Variants in ERC1 observed in about 807,000 individuals in gnomAD.
ERC1 encodes ELKS/RAB6-interacting/CAST family member 1, also known as RAB6 interacting protein 2.
Under a neutral mutation model 132.0 loss-of-function variants are expected in ERC1, and 56 were observed. The observed-to-expected ratio is 0.42, with a 90% CI of 0.34 to 0.53. The LOEUF is 0.53. Among genes scored for constraint, ERC1 ranks in the 20% least tolerant of loss-of-function variants. The probability of loss-of-function intolerance (pLI) is 0.03; values close to 1 mark genes in which losing one functional copy is unlikely to be tolerated. For missense variants in ERC1, 1,202 were observed against 1,349.9 expected (o/e 0.89, Z 1.72); for synonymous variants, 478 against 476.1 (o/e 1.00, Z -0.05).
intron 17 of ERC1, among the ~76,000 whole-genome samples, chr12:1,421,332 G>A (rs2092420418): frequency 6.6e-6 from 1 of 152,198 alleles, no homozygotes; most frequent in Non-Finnish European, 1.5e-5. Flanking sequence ...TCTCAAGGCA[G>A]CTGATCAGAG....
chr12:1,115,819 GTTTGT>G, intron 6 of ERC1, 42 bp from the exon 7 acceptor site: 2 of 1,529,684 alleles, frequency 1.3e-6, no homozygotes, highest in Non-Finnish European at 1.8e-6. Flanking sequence ...GATAAGAGGT[GTTTGT>G]TTTATTTCTT....
At chr12:1,301,831 GAAAGAA>G (rs1020003231) in intron 15 of ERC1, among the ~76,000 whole-genome samples, 2 of 151,866 alleles carry the variant, frequency 1.3e-5, no homozygotes. Context: ...TTAAGAAAAA[GAAAGAA>G]AAAGAAATAG....
intron 18 of ERC1, among the ~76,000 whole-genome samples, chr12:1,488,119 C>T (rs2094264521): frequency 7.3e-6 from 1 of 137,502 alleles, no homozygotes; most frequent in African/African-American, 2.7e-5. Flanking sequence ...GCCTGGGTGA[C>T]AGAGCGAGAC....
chr12:1,293,247 G>C (rs2079598429), intron 15 of ERC1, among the ~76,000 whole-genome samples: 1 of 151,046 alleles, frequency 6.6e-6, no homozygotes, highest in Admixed American at 6.6e-5. Context: ...GAGGTCAGAA[G>C]ATTGAGACCA....
rs866000368 is a variant in ERC1 at position 1,144,614 on chromosome 12, G to A, written c.1737+2827G>A. On this transcript the variant is annotated intron_variant, in intron 8 of 18. Transcript: ENST00000360905. ...TTTTATGGCTGAGTAGAATTTTGTGGTATATATATATATATATATACGTGT... is the reference window on the plus strand; with the variant it reads ...TTTTATGGCTGAGTAGAATTTTGTGATATATATATATATATATATACGTGT... 6.8e-5 allele frequency among the ~76,000 whole-genome samples: 9 copies of A among 132,294 alleles called. No homozygotes were observed. In the South Asian group the frequency reaches 2.1e-3, roughly 31 times the overall value. 86.8% of individuals were successfully genotyped at this position (132,294 alleles called of 152,430 possible).
chr12:1,292,142 T>C (rs768150481), intron 15 of ERC1, among the ~76,000 whole-genome samples: 15 of 152,218 alleles, frequency 9.9e-5, no homozygotes, highest in Non-Finnish European at 1.6e-4. Context: ...AAACTCCTCC[T>C]GCAGGCCCAC....
At chr12:1,112,468 T>C (rs1945996887) in intron 6 of ERC1, among the ~76,000 whole-genome samples, 170 bp downstream of exon 6, 2 of 152,220 alleles carry the variant, frequency 1.3e-5, no homozygotes, top group South Asian at 4.1e-4. Context: ...GTTCACTAGT[T>C]TGACCCACAT....
Position 991,316 on chromosome 12 carries a change from G to A in ERC1, c.-163G>A, listed in dbSNP as rs1377287654. On this transcript the variant is annotated 5_prime_UTR_variant, in exon 1 of 19. Transcript: ENST00000360905. ...CAGCAGCAGCAGTAGCGGCAGCCCT[G>A]AGGACGGTGAGACGGCCGCGGCGGC... is the stretch of plus-strand genomic sequence containing the variant. 6.1e-4 allele frequency: 91 copies of A among 149,482 alleles called. No individual in the cohort carries two copies. Among genetic ancestry groups the A allele is most frequent in the Non-Finnish European group, 1.0e-3 (77 of 73,462 alleles). The allele number at this position is 149,482 out of a possible 1,614,324, so 9.3% of individuals were successfully genotyped here. A position where few individuals can be genotyped will look rare whatever the true frequency, so the allele number is the denominator to read the frequency against.
rs541623821 is a variant in ERC1, at chr12:1,316,755, A to G, written c.2780+26743A>G. ...TGGATATATACCCAAAGGATTATAA[A>G]TCATGCTGCTATAAAGACACATGCA... On this transcript the variant is annotated intron_variant, in intron 15 of 18. Transcript: ENST00000360905. Among the ~76,000 whole-genome samples, 15 of 152,352 alleles carry G rather than the reference A, an allele frequency of 9.8e-5. No homozygotes were observed. In the South Asian group the frequency reaches 2.9e-3, roughly 29 times the overall value.
intron 12 of ERC1, among the ~76,000 whole-genome samples, chr12:1,216,003 A>AT (rs2154292838): frequency 6.6e-6 from 1 of 152,296 alleles, no homozygotes; most frequent in South Asian, 2.1e-4. Flanking sequence ...CCAGAATCTT[A>AT]TTGGTTAAAG....
chr12:1,160,334 G>A (rs1325356170), intron 8 of ERC1, among the ~76,000 whole-genome samples: 1 of 152,090 alleles, frequency 6.6e-6, no homozygotes, highest in African/African-American at 2.4e-5. Flanking sequence ...TTTTTTTGTT[G>A]CCTGTAGAAT....
At chr12:1,091,946 C>A (rs181742843) in intron 3 of ERC1, among the ~76,000 whole-genome samples, 2 of 151,276 alleles carry the variant, frequency 1.3e-5, no homozygotes, top group East Asian at 1.9e-4. Context: ...CCAGAAATTT[C>A]ATTAGTTATT....
At chr12:1,384,019 A>C (rs981197623) in intron 16 of ERC1, among the ~76,000 whole-genome samples, 2 of 152,328 alleles carry the variant, frequency 1.3e-5, no homozygotes, top group Admixed American at 1.3e-4. Flanking sequence ...ATATCACTCC[A>C]GAGCTGACAC....
chr12:1,104,526 A>G (rs12320344), intron 3 of ERC1, among the ~76,000 whole-genome samples: 8,805 of 152,194 alleles, frequency 0.058, 860 homozygotes, highest in African/African-American at 0.2. Flanking sequence ...GATTTTAAAT[A>G]ACTAGGTGTT....
intron 15 of ERC1, among the ~76,000 whole-genome samples, chr12:1,320,256 G>T (rs942714293): frequency 2.2e-4 from 34 of 152,226 alleles, no homozygotes; most frequent in Admixed American, 8.5e-4. Flanking sequence ...ACATAATGGC[G>T]TATTTTATTT....
At chr12:1,038,065 A>C (rs945586742) in intron 2 of ERC1, among the ~76,000 whole-genome samples, 2 of 151,808 alleles carry the variant, frequency 1.3e-5, no homozygotes, top group Non-Finnish European at 2.9e-5. Flanking sequence ...AAAGAAAAAG[A>C]AAAAAACTAT....
chr12:1,366,154 A>G (rs1212551411), intron 15 of ERC1, among the ~76,000 whole-genome samples: 1 of 152,164 alleles, frequency 6.6e-6, no homozygotes, highest in Non-Finnish European at 1.5e-5. Flanking sequence ...ATCTAAATGT[A>G]CTTTACTGAA....
At chr12:990,551 C>G (rs1959171584), upstream of ERC1, 1 of 152,278 alleles carries the variant, frequency 6.6e-6, no homozygotes, top group African/African-American at 2.4e-5. Flanking sequence ...TCCCCGCGTC[C>G]TGGCGGGATC....
intron 2 of ERC1, among the ~76,000 whole-genome samples, chr12:1,076,123 G>C (rs934945056): frequency 3.9e-5 from 6 of 152,060 alleles, no homozygotes; most frequent in African/African-American, 1.4e-4. Context: ...TTTGTAATAG[G>C]TTATAACTCT....
Sources: allele counts gnomAD v4.1 joint callset (sites outside exome capture counted in the v4.1 genomes callset), GRCh38; gene constraint gnomAD v4.1.1; transcripts MANE v1.5; gene names NCBI Gene and HGNC (gene_info 2026-07-23, HGNC 2026-07-21).